The following PPP1R12B variants were observed in gnomAD, a reference collection of about 807,000 sequenced individuals.
PPP1R12B encodes myosin phosphatase target subunit 2.
PPP1R12B carries 76 observed loss-of-function variants against 126.1 expected under a neutral mutation model. The ratio of observed to expected loss-of-function variants is 0.60; its 90% CI spans 0.50 to 0.73. The LOEUF (loss-of-function observed/expected upper bound fraction) is 0.73. PPP1R12B is among the 30% of genes least tolerant of loss of function. The pLI is 0.00. For missense variants in PPP1R12B, 1,052 were observed against 1,205.1 expected (o/e 0.87, Z 1.88); for synonymous variants, 356 against 434.7 (o/e 0.82, Z 2.25).
At chr1:202,540,175 T>C in intron 18 of PPP1R12B, 1 of 1,610,892 alleles carries the variant, frequency 6.2e-7, no homozygotes, top group Non-Finnish European at 8.5e-7. Context: ...AAGAATTCAC[T>C]CGGAATAGGA....
rs755273117 is a variant in PPP1R12B, at chr1:202,495,343, G to A, written c.2196G>A (p.Thr732=). ...RCPAQPDKPT[T]PASPSTSRPS... ...CAGCTCAGCCAGACAAACCCACCAC[G>A]CCAGCATCTCCTTCTACGTCAAGAC... Residue 732 remains threonine (T), a synonymous_variant, in exon 16 of 24, where the codon ACG becomes ACA. Transcript: ENST00000608999. 1.3e-5 allele frequency: 21 copies of A among 1,598,048 alleles called. No homozygotes were observed. The highest frequency in any genetic ancestry group is 6.7e-5 in the East Asian group (3 of 44,834).
intron 10 of PPP1R12B, chr1:202,438,319 C>T (rs531351205): frequency 2.1e-6 from 3 of 1,403,688 alleles, no homozygotes; most frequent in East Asian, 5.1e-5. Flanking sequence ...ATAAAAATTT[C>T]AGTATGGCGG....
At chr1:202,440,328 T>C (rs1342708856) in intron 10 of PPP1R12B, among the ~76,000 whole-genome samples, 1 of 152,208 alleles carries the variant, frequency 6.6e-6, no homozygotes, top group Non-Finnish European at 1.5e-5. Context: ...GGAAAAGATG[T>C]ACTGGGGACT....
At chr1:202,364,167 T>G (rs1658728012) in intron 1 of PPP1R12B, among the ~76,000 whole-genome samples, 1 of 152,166 alleles carries the variant, frequency 6.6e-6, no homozygotes, top group South Asian at 2.1e-4. Context: ...TTATCAAACT[T>G]CTGCTTGATA....
At chr1:202,370,085 A>G (rs1159343342) in intron 1 of PPP1R12B, 3 of 202,634 alleles carry the variant, frequency 1.5e-5, no homozygotes, top group Admixed American at 6.0e-5. Flanking sequence ...GTAAACTACC[A>G]TGCCCGGCCT....
chr1:202,349,166 G>A (rs1655448523), intron 1 of PPP1R12B, 24 bp downstream of exon 1: 1 of 1,612,344 alleles, frequency 6.2e-7, no homozygotes, highest in African/African-American at 1.3e-5. Flanking sequence ...TGGTCTTAGA[G>A]GCGTCCAGTC....
chr1:202,446,232 CTCTCTATATA>C (rs1281095020), intron 12 of PPP1R12B, among the ~76,000 whole-genome samples: 2 of 73,422 alleles, frequency 2.7e-5, no homozygotes, highest in African/African-American at 8.7e-5. Flanking sequence ...CTCTCTCTCT[CTCTCTATATA>C]TATATATATA....
intron 18 of PPP1R12B, among the ~76,000 whole-genome samples, chr1:202,526,687 A>G (rs542742045): frequency 6.6e-6 from 1 of 152,340 alleles, no homozygotes; most frequent in African/African-American, 2.4e-5. Flanking sequence ...ACAATAGTTC[A>G]GGATCACCCT....
rs1016275000 is a variant in PPP1R12B, at chr1:202,548,370, G to GT, written c.2491-10499dup. Among the ~76,000 whole-genome samples, 54 of 151,632 alleles carry GT rather than the reference G, an allele frequency of 3.6e-4. 1 individual carries two copies. Among genetic ancestry groups the GT allele is most frequent in the Admixed American group, 1.4e-3 (22 of 15,204 alleles). ...AGAATGTTTTGTTTTGTTTTGTTTTGTTTTTTTTGAGACAGGATCTCGCTC... is the reference window on the plus strand; with the variant it reads ...AGAATGTTTTGTTTTGTTTTGTTTTGTTTTTTTTTGAGACAGGATCTCGCTC... On this transcript the variant is annotated intron_variant, in intron 18 of 23. Transcript: ENST00000608999.
chr1:202,376,524 A>G (rs1420432975), intron 1 of PPP1R12B, among the ~76,000 whole-genome samples: 1 of 152,216 alleles, frequency 6.6e-6, no homozygotes, highest in Non-Finnish European at 1.5e-5. Flanking sequence ...GAATGGATGG[A>G]TAGAAACGTG....
At chr1:202,486,299 A>T (rs1459529727) in intron 13 of PPP1R12B, among the ~76,000 whole-genome samples, 1 of 152,144 alleles carries the variant, frequency 6.6e-6, no homozygotes, top group African/African-American at 2.4e-5. Context: ...CAATAATTTT[A>T]AAAAATATTA....
chr1:202,387,311 G>C (rs181794961), intron 1 of PPP1R12B, among the ~76,000 whole-genome samples: 328 of 152,278 alleles, frequency 2.2e-3, no homozygotes, highest in Middle Eastern at 0.01. Context: ...TATGTAGAAG[G>C]TTTCATTGAG....
rs1336333601 is a variant in PPP1R12B at position 202,586,043 on chromosome 1, G to A, written c.*5483G>A. On this transcript the variant is annotated 3_prime_UTR_variant, in exon 24 of 24. Transcript: ENST00000608999. The stretch of plus-strand genomic sequence containing the variant: ...TTACAGCAGCAAGAAAATTTTCCTC[G>A]ACAAGAACCTCAATCTTTAGTTCCA... 1 of 152,144 alleles carries A rather than the reference G, an allele frequency of 6.6e-6. No homozygotes were observed. Among genetic ancestry groups the A allele is most frequent in the Admixed American group, 6.5e-5 (1 of 15,272 alleles). The allele number at this position is 152,144 out of a possible 1,614,324, so 9.4% of individuals were successfully genotyped here. A position where few individuals can be genotyped will look rare whatever the true frequency, so the allele number is the denominator to read the frequency against.
chr1:202,564,113 C>T (rs1393915554), intron 20 of PPP1R12B, among the ~76,000 whole-genome samples: 1 of 152,068 alleles, frequency 6.6e-6, no homozygotes, highest in Non-Finnish European at 1.5e-5. Context: ...CAGAACTTGA[C>T]TAAAATCAAT....
At chr1:202,489,201 T>G (rs1482192389) in intron 14 of PPP1R12B, among the ~76,000 whole-genome samples, 1 of 152,224 alleles carries the variant, frequency 6.6e-6, no homozygotes, top group Non-Finnish European at 1.5e-5. Flanking sequence ...TAGAACAGGT[T>G]TATCTCTTTT....
rs67919482 is a variant in PPP1R12B, at chr1:202,588,824, AAGATAGATAGATAGATAGATAGATAGAT to A, written c.*8286_*8313del. ...CTAGATTGGCGTTCAAAAGAACCGT[AAGATAGATAGATAGATAGATAGATAGAT>A]AGATAGATAGATAGATAGATATCAA... On this transcript the variant is annotated 3_prime_UTR_variant, in exon 24 of 24. Transcript: ENST00000608999. 8 of 144,124 alleles carry A rather than the reference AAGATAGATAGATAGATAGATAGATAGAT, an allele frequency of 5.6e-5. No homozygotes were observed. Among genetic ancestry groups the A allele is most frequent in the Admixed American group, 6.9e-5 (1 of 14,506 alleles). The allele number at this position is 144,124 out of a possible 1,614,324, so 8.9% of individuals were successfully genotyped here. A position where few individuals can be genotyped will look rare whatever the true frequency, so the allele number is the denominator to read the frequency against.
rs774810623 is a variant in PPP1R12B, at chr1:202,431,671, G to T, written c.1141+52G>T. The stretch of plus-strand genomic sequence containing the variant: ...ATCCTCTATCTCCATAGTGTAAGAA[G>T]ATTACTCCTTGTCAGAGAGCTAGCC... On this transcript the variant is annotated intron_variant, in intron 8 of 23. Coordinates refer to ENST00000608999, the MANE Select transcript of PPP1R12B (RefSeq NM_002481.4). 4 of 1,520,934 alleles carry T rather than the reference G, an allele frequency of 2.6e-6. No homozygotes were observed. In the South Asian group the frequency reaches 4.0e-5, roughly 15 times the overall value. The allele number at this position is 1,520,934 out of a possible 1,614,324, so 94.2% of individuals were successfully genotyped here.
At chr1:202,436,867 T>TG (rs1670891795) in intron 9 of PPP1R12B, among the ~76,000 whole-genome samples, 1 of 152,082 alleles carries the variant, frequency 6.6e-6, no homozygotes. Flanking sequence ...TTTGTTTTTT[T>TG]TTGTTGTTGT....
chr1:202,579,122 C>A (rs1398728428), intron 23 of PPP1R12B, among the ~76,000 whole-genome samples: 1 of 152,188 alleles, frequency 6.6e-6, no homozygotes, highest in African/African-American at 2.4e-5. Flanking sequence ...CAGTAATTTT[C>A]TTTTTATTTC....
Sources: gnomAD v4.1 joint callset for allele counts (sites outside exome capture counted in the v4.1 genomes callset) on GRCh38, gnomAD v4.1.1 for gene constraint, MANE v1.5 for transcripts, NCBI Gene and HGNC (gene_info 2026-07-23, HGNC 2026-07-21) for gene names.